ZDHHC17: variants seen among roughly 807,000 people sequenced by gnomAD.
ZDHHC17 encodes the protein palmitoyltransferase ZDHHC17.
Under a neutral mutation model 90.3 loss-of-function variants are expected in ZDHHC17, and 40 were observed. The observed-to-expected ratio is 0.44, with a 90% CI of 0.34 to 0.58. The LOEUF (loss-of-function observed/expected upper bound fraction) is 0.58. Ranked by LOEUF, ZDHHC17 falls within the 20% of genes least tolerant of loss-of-function variation. The pLI, the probability that ZDHHC17 is intolerant of heterozygous loss-of-function variation, is 0.01. For missense variants in ZDHHC17, 614 were observed against 780.8 expected (o/e 0.79, Z 2.55); for synonymous variants, 235 against 252.4 (o/e 0.93, Z 0.65).
chr12:76,764,389 A>C, intron 1 of ZDHHC17, 60 bp downstream of exon 1: 1 of 1,485,510 alleles, frequency 6.7e-7, no homozygotes, highest in South Asian at 1.2e-5. Flanking sequence ...TCTTCCCCGG[A>C]CTCGCCGAGG....
chr12:76,776,996 A>G (rs1952567307), intron 1 of ZDHHC17, among the ~76,000 whole-genome samples: 8 of 152,202 alleles, frequency 5.3e-5, no homozygotes, highest in Admixed American at 4.6e-4. Flanking sequence ...ACACGGAGAG[A>G]TCTCATGTAT....
At chr12:76,765,149 T>C (rs755782327) in intron 1 of ZDHHC17, among the ~76,000 whole-genome samples, 1 of 152,238 alleles carries the variant, frequency 6.6e-6, no homozygotes, top group Non-Finnish European at 1.5e-5. Flanking sequence ...CAGTGATGTC[T>C]GTATGCGGCA....
At chr12:76,770,621 T>C (rs1485695967) in intron 1 of ZDHHC17, among the ~76,000 whole-genome samples, 1 of 152,130 alleles carries the variant, frequency 6.6e-6, no homozygotes, top group African/African-American at 2.4e-5. Flanking sequence ...GTAGTCAGCA[T>C]TGAACAGTTA....
chr12:76,799,747 T>G (rs1952864529), intron 2 of ZDHHC17, among the ~76,000 whole-genome samples: 1 of 152,208 alleles, frequency 6.6e-6, no homozygotes, highest in African/African-American at 2.4e-5. Flanking sequence ...AGATTGTGTT[T>G]CTGTTTTCTT....
intron 1 of ZDHHC17, among the ~76,000 whole-genome samples, chr12:76,785,384 A>G (rs1952672799): frequency 6.6e-6 from 1 of 152,128 alleles, no homozygotes; most frequent in Non-Finnish European, 1.5e-5. Flanking sequence ...AAGTCCCCTC[A>G]TACTCGTCAC....
intron 1 of ZDHHC17, among the ~76,000 whole-genome samples, chr12:76,791,138 G>C (rs528621206): frequency 2.0e-4 from 30 of 152,268 alleles, no homozygotes; most frequent in African/African-American, 7.0e-4. Context: ...GTTTCAGGTA[G>C]GTTGTAAGAG....
At chr12:76,811,654 A>T (rs944021043) in intron 5 of ZDHHC17, among the ~76,000 whole-genome samples, 1 of 152,054 alleles carries the variant, frequency 6.6e-6, no homozygotes, top group African/African-American at 2.4e-5. Flanking sequence ...GCACACAAAG[A>T]TAATAAATGT....
At chr12:76,767,217 C>T (rs981316738) in intron 1 of ZDHHC17, among the ~76,000 whole-genome samples, 2 of 152,092 alleles carry the variant, frequency 1.3e-5, no homozygotes, top group African/African-American at 4.8e-5. Flanking sequence ...TGATTTAAAA[C>T]TTATGTGGGT....
chr12:76,804,731 G>A (rs1329157575), intron 2 of ZDHHC17, among the ~76,000 whole-genome samples: 1 of 152,220 alleles, frequency 6.6e-6, no homozygotes, highest in East Asian at 1.9e-4. Context: ...GAGGAGCTGG[G>A]GGAGGGACTT....
chr12:76,785,413 C>T (rs1202810352), intron 1 of ZDHHC17, among the ~76,000 whole-genome samples: 1 of 152,118 alleles, frequency 6.6e-6, no homozygotes, highest in Non-Finnish European at 1.5e-5. Context: ...GGGACCACAT[C>T]CCAGTAAACT....
Position 76,822,402 on chromosome 12 carries a change from T to C in ZDHHC17, c.772-4T>C, listed in dbSNP as rs1314114309. The C allele has an allele frequency of 3.1e-6, 5 of 1,612,720 alleles. No homozygotes were observed. Among genetic ancestry groups the C allele is most frequent in the Middle Eastern group, 1.7e-4 (1 of 6,060 alleles). Reference sequence around the variant, plus strand: ...ATAGGAATTTCTTCTGTTTATATTATCAGGGCGAATCAGCGCTTGATTTGG... The same window carrying C: ...ATAGGAATTTCTTCTGTTTATATTACCAGGGCGAATCAGCGCTTGATTTGG... On this transcript the variant is annotated splice_polypyrimidine_tract_variant and splice_region_variant and intron_variant, in intron 7 of 16. Transcript: ENST00000426126.
chr12:76,818,385 T>C (rs1044586856), intron 7 of ZDHHC17, among the ~76,000 whole-genome samples: 17 of 152,220 alleles, frequency 1.1e-4, no homozygotes, highest in African/African-American at 4.1e-4. Flanking sequence ...AAATTCTTAT[T>C]CAATGGTGGG....
intron 10 of ZDHHC17, among the ~76,000 whole-genome samples, chr12:76,829,467 AAAAAAAAAAAAAAAAAAG>A: frequency 9.1e-6 from 1 of 109,942 alleles, no homozygotes; most frequent in Non-Finnish European, 2.3e-5. Flanking sequence ...AAAAAAAAAA[AAAAAAAAAAAAAAAAAAG>A]AACTACCATT....
At chr12:76,833,817 T>A (rs1025090578) in intron 10 of ZDHHC17, among the ~76,000 whole-genome samples, 2 of 151,910 alleles carry the variant, frequency 1.3e-5, no homozygotes, top group African/African-American at 4.8e-5. Flanking sequence ...TAAAAATAAA[T>A]ACCCTTTAAT....
rs533726801 is a variant in ZDHHC17, at chr12:76,835,583, C to A, written c.1142-6399C>A. ...TTGTGTCTGGGTTATAGAAATGTAG[C>A]TGATTAGTTATTGACAACAACCTTG... On this transcript the variant is annotated intron_variant, in intron 10 of 16. Coordinates refer to ENST00000426126, the MANE Select transcript of ZDHHC17 (RefSeq NM_015336.4). Among the ~76,000 whole-genome samples, 4 of 151,764 alleles carry A rather than the reference C, an allele frequency of 2.6e-5. No homozygotes were observed. In the South Asian group the frequency reaches 8.3e-4, roughly 32 times the overall value.
In ZDHHC17 at chr12:76,809,388, C is replaced by T. The variant is rs188744302; in HGVS notation, c.398+268C>T. Among the ~76,000 whole-genome samples the T allele has an allele frequency of 2.0e-5, 3 of 151,924 alleles. No individual in the cohort carries two copies. In the East Asian group the frequency reaches 5.8e-4, roughly 29 times the overall value. ...ATTTCTAAACGTAATATTTTTGCAGCCTGTATATATTTACAATGAAAGAAT... is the reference window on the plus strand; with the variant it reads ...ATTTCTAAACGTAATATTTTTGCAGTCTGTATATATTTACAATGAAAGAAT... On this transcript the variant is annotated intron_variant, in intron 4 of 16. Transcript: ENST00000426126.
At chr12:76,815,496 A>G (rs1311322344) in intron 6 of ZDHHC17, among the ~76,000 whole-genome samples, 1 of 151,760 alleles carries the variant, frequency 6.6e-6, no homozygotes, top group Non-Finnish European at 1.5e-5. Flanking sequence ...ATATTGACAA[A>G]TTTATTAATT....
intron 1 of ZDHHC17, among the ~76,000 whole-genome samples, chr12:76,785,548 C>T (rs769589987): frequency 6.6e-6 from 1 of 152,074 alleles, no homozygotes; most frequent in Admixed American, 6.6e-5. Context: ...ATAAACCCAT[C>T]GTAAACTTGA....
At chr12:76,783,826 G>C (rs1952655579) in intron 1 of ZDHHC17, among the ~76,000 whole-genome samples, 1 of 152,250 alleles carries the variant, frequency 6.6e-6, no homozygotes, top group Admixed American at 6.5e-5. Flanking sequence ...CATATAAGAG[G>C]GAGGTGGAGG....
Sources: gnomAD v4.1 joint callset for allele counts (sites outside exome capture counted in the v4.1 genomes callset) on GRCh38, gnomAD v4.1.1 for gene constraint, MANE v1.5 for transcripts, NCBI Gene and HGNC (gene_info 2026-07-23, HGNC 2026-07-21) for gene names.